The following AJAP1 variants were observed in gnomAD, a reference collection of about 807,000 sequenced individuals.
The protein encoded by AJAP1 is adherens junction-associated protein 1.
A neutral mutation model predicts 35.0 loss-of-function variants in AJAP1; 5 were observed. The ratio of observed to expected loss-of-function variants is 0.14; its 90% CI spans 0.07 to 0.30. AJAP1 has a LOEUF of 0.30. Among genes scored for constraint, AJAP1 ranks in the 10% least tolerant of loss-of-function variants. The probability of loss-of-function intolerance (pLI) is 1.00; values close to 1 mark genes in which losing one functional copy is unlikely to be tolerated. For missense variants in AJAP1, 586 were observed against 571.0 expected, an observed-to-expected ratio of 1.03 and a Z score of -0.27; for synonymous variants, 284 against 249.3, an observed-to-expected ratio of 1.14 and a Z score of -1.31.
At chr1:4,768,435 T>G (rs560253036) in intron 2 of AJAP1, among the ~76,000 whole-genome samples, 2 of 152,334 alleles carry the variant, frequency 1.3e-5, no homozygotes, top group East Asian at 3.9e-4. Flanking sequence ...GTGCCAATGT[T>G]TAATCATTTA....
chr1:4,703,289 G>T (rs1294769265), intron 1 of AJAP1, among the ~76,000 whole-genome samples: 2 of 152,170 alleles, frequency 1.3e-5, no homozygotes, highest in Non-Finnish European at 2.9e-5. Context: ...CTGCGCCAGG[G>T]CTGGGGACTG....
At chr1:4,722,154 CT>C (rs1300010072) in intron 2 of AJAP1, among the ~76,000 whole-genome samples, 1 of 152,220 alleles carries the variant, frequency 6.6e-6, no homozygotes, top group Non-Finnish European at 1.5e-5. Flanking sequence ...ACACAGTCTT[CT>C]TTTGATTTAT....
intron 3 of AJAP1, among the ~76,000 whole-genome samples, chr1:4,771,651 ACCCCTGTGGTTCAGAGGAACTAGAC>A: frequency 6.6e-6 from 1 of 152,196 alleles, no homozygotes; most frequent in East Asian, 1.9e-4. Flanking sequence ...GCCTCTGGAA[ACCCCTGTGGTTCAGAGGAACTAGAC>A]CATAACAGGC....
chr1:4,700,394 G>A (rs926112878), intron 1 of AJAP1, among the ~76,000 whole-genome samples: 1 of 152,112 alleles, frequency 6.6e-6, no homozygotes, highest in Non-Finnish European at 1.5e-5. Context: ...ATCTGCCTGA[G>A]GCCTGGGCCT....
At chr1:4,680,757 G>C (rs115772559) in intron 1 of AJAP1, among the ~76,000 whole-genome samples, 4,127 of 152,240 alleles carry the variant, frequency 0.027, 112 homozygotes, top group East Asian at 0.075. Flanking sequence ...TATAAAATTT[G>C]TTTCCATTCC....
chr1:4,759,481 T>C (rs1026470218), intron 2 of AJAP1, among the ~76,000 whole-genome samples: 27 of 152,296 alleles, frequency 1.8e-4, no homozygotes, highest in African/African-American at 6.5e-4. Flanking sequence ...ACTGACTGCA[T>C]TGGGTGTGCC....
chr1:4,749,135 T>G lies in AJAP1; in HGVS notation c.830-20718T>G, dbSNP rs115089011. On this transcript the variant is annotated intron_variant, in intron 2 of 5. Transcript: ENST00000378191. ...TCGTTCCAGTCTTATCAACGTCATA[T>G]TCTCTGCTGGGTTGTAAAGGGCCTT... 5.2e-3 allele frequency among the ~76,000 whole-genome samples: 787 copies of G among 152,280 alleles called. 14 individuals are homozygous for G. The highest frequency in any genetic ancestry group is 0.018 in the African/African-American group (741 of 41,558).
intron 2 of AJAP1, among the ~76,000 whole-genome samples, chr1:4,745,953 C>G (rs989699519): frequency 3.9e-5 from 6 of 152,240 alleles, no homozygotes; most frequent in Admixed American, 6.5e-5. Flanking sequence ...CCCAGCCTCC[C>G]TTTCCTCTTT....
At chr1:4,672,269 C>T (rs531000227) in intron 1 of AJAP1, among the ~76,000 whole-genome samples, 15 of 152,094 alleles carry the variant, frequency 9.9e-5, no homozygotes, top group Non-Finnish European at 1.8e-4. Flanking sequence ...CATGAAGGAG[C>T]GCCAAGCATA....
At chr1:4,768,760 C>T (rs1414952096) in intron 2 of AJAP1, among the ~76,000 whole-genome samples, 2 of 152,222 alleles carry the variant, frequency 1.3e-5, no homozygotes, top group Non-Finnish European at 2.9e-5. Flanking sequence ...CTGCCTTGAT[C>T]TTCCAGCTTC....
chr1:4,698,639 G>A (rs532879924), intron 1 of AJAP1, among the ~76,000 whole-genome samples: 3 of 152,258 alleles, frequency 2.0e-5, no homozygotes, highest in African/African-American at 4.8e-5. Context: ...CTGAGGAGTG[G>A]TCATCCTTCC....
intron 2 of AJAP1, among the ~76,000 whole-genome samples, chr1:4,754,121 A>G (rs1481026680): frequency 3.9e-5 from 6 of 152,178 alleles, no homozygotes; most frequent in Non-Finnish European, 8.8e-5. Context: ...GCGTTTGTAC[A>G]TCCTGGGAAC....
At chr1:4,758,817 C>T (rs3753716) in intron 2 of AJAP1, among the ~76,000 whole-genome samples, 6 of 152,204 alleles carry the variant, frequency 3.9e-5, no homozygotes, top group Non-Finnish European at 8.8e-5. Context: ...GGACAGCCGG[C>T]GTGCAGAGGA....
chr1:4,698,876 C>A (rs1043767259), intron 1 of AJAP1, among the ~76,000 whole-genome samples: 2 of 152,208 alleles, frequency 1.3e-5, no homozygotes, highest in Non-Finnish European at 2.9e-5. Flanking sequence ...AAGCCCTTGG[C>A]TGCAGCTTGT....
At chr1:4,699,964 C>G (rs191379578) in intron 1 of AJAP1, among the ~76,000 whole-genome samples, 1 of 152,284 alleles carries the variant, frequency 6.6e-6, no homozygotes, top group Admixed American at 6.5e-5. Flanking sequence ...GTCTTTTTCT[C>G]TCTGCGTGCC....
At chr1:4,662,274 C>A (rs1020239237) in intron 1 of AJAP1, among the ~76,000 whole-genome samples, 1 of 152,116 alleles carries the variant, frequency 6.6e-6, no homozygotes, top group African/African-American at 2.4e-5. Context: ...CTTTGACGAC[C>A]ACTCCTCTGA....
intron 5 of AJAP1, among the ~76,000 whole-genome samples, chr1:4,779,896 G>A (rs185637768): frequency 1.3e-5 from 2 of 152,182 alleles, no homozygotes; most frequent in East Asian, 1.9e-4. Context: ...TGTAATCCCA[G>A]CACTTTGGGA....
In AJAP1 at chr1:4,772,619, G is replaced by A. The variant is rs762746725; in HGVS notation, c.1163+94G>A. On this transcript the variant is annotated intron_variant, in intron 4 of 5. Coordinates refer to ENST00000378191, the MANE Select transcript of AJAP1 (RefSeq NM_018836.4). ...GTGGCTGAGCTGAGAGCTGTTGGTC[G>A]GTTTAGGTCTTCCCTGAGGTCGCTT... 1.3e-4 allele frequency: 199 copies of A among 1,534,372 alleles called. 1 individual carries two copies. Among genetic ancestry groups the A allele is most frequent in the Non-Finnish European group, 1.5e-4 (170 of 1,136,910 alleles).
At chr1:4,757,084 G>C (rs1435100953) in intron 2 of AJAP1, among the ~76,000 whole-genome samples, 2 of 152,216 alleles carry the variant, frequency 1.3e-5, no homozygotes, top group African/African-American at 2.4e-5. Context: ...TGATAAGGGA[G>C]CCCGAGCGAG....
Sources: gnomAD v4.1 joint callset for allele counts (sites outside exome capture counted in the v4.1 genomes callset) on GRCh38, gnomAD v4.1.1 for gene constraint, MANE v1.5 for transcripts, NCBI Gene and HGNC (gene_info 2026-07-23, HGNC 2026-07-21) for gene names.